The following HECW2 variants were observed in gnomAD, a reference collection of about 807,000 sequenced individuals.
The protein encoded by HECW2 is HECT, C2 and WW domain containing E3 ubiquitin protein ligase 2.
In HECW2, 61 loss-of-function variants were observed where a neutral mutation model predicts 175.2. The ratio of observed to expected loss-of-function variants is 0.35; its 90% CI spans 0.28 to 0.43. HECW2 has a LOEUF of 0.43. Among genes scored for constraint, HECW2 ranks in the 20% least tolerant of loss-of-function variants. The pLI, the probability that HECW2 is intolerant of heterozygous loss-of-function variation, is 1.00. For missense variants in HECW2, 1,524 were observed against 2,000.5 expected, an observed-to-expected ratio of 0.76 and a Z score of 4.54; for synonymous variants, 671 against 731.0, an observed-to-expected ratio of 0.92 and a Z score of 1.32.
At chr2:196,454,503 T>A (rs1261711572) in intron 1 of HECW2, among the ~76,000 whole-genome samples, 1 of 152,210 alleles carries the variant, frequency 6.6e-6, no homozygotes, top group African/African-American at 2.4e-5. Context: ...CACCCTCACA[T>A]TCATTATTGC....
At chr2:196,275,243 A>G (rs926910491) in intron 15 of HECW2, among the ~76,000 whole-genome samples, 1 of 152,170 alleles carries the variant, frequency 6.6e-6, no homozygotes. Flanking sequence ...CACAGAACAA[A>G]CAGAACAAGC....
At position 196,228,724 on chromosome 2, in the gene HECW2, A is replaced by G. The variant is rs1184717949; in HGVS notation, c.3765-470T>C. ...TATCTGAAATATTTTTAAATGGGAG[A>G]AGAAAGATACTTCCATGAATTCAAG... On this transcript the variant is annotated intron_variant, in intron 21 of 28. Transcript: ENST00000644978. 8.5e-5 allele frequency among the ~76,000 whole-genome samples: 13 copies of G among 152,364 alleles called. No individual in the cohort carries two copies. In the East Asian group the frequency reaches 2.3e-3, roughly 27 times the overall value.
chr2:196,235,392 G>A (rs1409362003), intron 21 of HECW2, among the ~76,000 whole-genome samples: 1 of 151,836 alleles, frequency 6.6e-6, no homozygotes, highest in Non-Finnish European at 1.5e-5. Flanking sequence ...GAGCCACCAC[G>A]CCTGGCCTTA....
chr2:196,482,584 A>C (rs1471824782), intron 1 of HECW2, among the ~76,000 whole-genome samples: 1 of 152,116 alleles, frequency 6.6e-6, no homozygotes, highest in Admixed American at 6.5e-5. Flanking sequence ...CTAGGGACAG[A>C]GGGTAATAGT....
chr2:196,478,031 A>G (rs1686715199), intron 1 of HECW2, among the ~76,000 whole-genome samples: 1 of 152,174 alleles, frequency 6.6e-6, no homozygotes, highest in East Asian at 1.9e-4. Flanking sequence ...CAGCCTGGGC[A>G]ACAGAGTGAG....
At chr2:196,312,341 T>C (rs1354327623) in intron 10 of HECW2, among the ~76,000 whole-genome samples, 1 of 152,216 alleles carries the variant, frequency 6.6e-6, no homozygotes, top group East Asian at 1.9e-4. Flanking sequence ...ATAAATCCAC[T>C]ATAAAAAACT....
chr2:196,543,748 C>A (rs1575656670), intron 1 of HECW2, among the ~76,000 whole-genome samples: 1 of 152,032 alleles, frequency 6.6e-6, no homozygotes, highest in Admixed American at 6.5e-5. Context: ...GAGTAGCTGG[C>A]ATTACAGGCA....
At chr2:196,418,066 C>T (rs1695302035) in intron 2 of HECW2, among the ~76,000 whole-genome samples, 1 of 151,884 alleles carries the variant, frequency 6.6e-6, no homozygotes, top group South Asian at 2.1e-4. Context: ...AATAGTATAG[C>T]TTAGTGCTAT....
At chr2:196,549,057 C>T (rs549215481) in intron 1 of HECW2, among the ~76,000 whole-genome samples, 61 of 152,252 alleles carry the variant, frequency 4.0e-4, no homozygotes, top group African/African-American at 1.4e-3. Flanking sequence ...ACAATCCAAC[C>T]CCACAAACTT....
At chr2:196,491,501 T>TATACAC (rs1171351964) in intron 1 of HECW2, among the ~76,000 whole-genome samples, 108 of 125,974 alleles carry the variant, frequency 8.6e-4, no homozygotes, top group African/African-American at 2.8e-3. Flanking sequence ...TATATATATA[T>TATACAC]ACACACACAC....
chr2:196,562,266 C>A (rs1311566247), intron 1 of HECW2, among the ~76,000 whole-genome samples: 3 of 152,086 alleles, frequency 2.0e-5, no homozygotes, highest in Admixed American at 6.5e-5. Flanking sequence ...AAGTTAGAAA[C>A]AATAGCACAA....
chr2:196,487,052 G>A (rs926205822), intron 1 of HECW2, among the ~76,000 whole-genome samples: 9 of 151,838 alleles, frequency 5.9e-5, no homozygotes, highest in African/African-American at 1.9e-4. Context: ...GGGAGGCTGC[G>A]GCAGGAGAAT....
chr2:196,480,047 TC>T (rs1686788603), intron 1 of HECW2, among the ~76,000 whole-genome samples: 2 of 151,996 alleles, frequency 1.3e-5, no homozygotes, highest in East Asian at 3.9e-4. Flanking sequence ...CCACTGCCAC[TC>T]CCCCCAAAAT....
At chr2:196,522,705 AGTTTTCC>A (rs1688452855) in intron 1 of HECW2, among the ~76,000 whole-genome samples, 1 of 150,086 alleles carries the variant, frequency 6.7e-6, no homozygotes, top group East Asian at 1.9e-4. Context: ...ATGGCTAGCC[AGTTTTCC>A]CAGCACCATT....
chr2:196,539,032 T>C (rs1023678069), intron 1 of HECW2, among the ~76,000 whole-genome samples: 8 of 152,236 alleles, frequency 5.3e-5, no homozygotes, highest in Non-Finnish European at 1.2e-4. Context: ...TCAACTTTTT[T>C]AGTCCTAAAA....
intron 1 of HECW2, among the ~76,000 whole-genome samples, chr2:196,434,219 T>C (rs1695804310): frequency 1.3e-5 from 2 of 152,210 alleles, no homozygotes; most frequent in African/African-American, 4.8e-5. Context: ...ACACGGTACA[T>C]GTCGATAAAT....
At position 196,452,701 on chromosome 2, in the gene HECW2, G is replaced by A. The variant is rs1334365537; in HGVS notation, c.-35-19243C>T. On this transcript the variant is annotated intron_variant, in intron 1 of 28. Transcript: ENST00000644978. ...ACCACTCCTCTCCTGCATGGAGGGT[G>A]GTGGAGGGATCATTTCTGGGCAAAA... Among the ~76,000 whole-genome samples the A allele has an allele frequency of 2.0e-5, 3 of 152,014 alleles. No homozygotes were observed. In the East Asian group the frequency reaches 5.8e-4, roughly 29 times the overall value.
chr2:196,280,847 T>C (rs1690157881), intron 14 of HECW2, among the ~76,000 whole-genome samples: 1 of 152,204 alleles, frequency 6.6e-6, no homozygotes, highest in African/African-American at 2.4e-5. Flanking sequence ...ATGTGGCTAA[T>C]ACCTATTTTT....
intron 1 of HECW2, among the ~76,000 whole-genome samples, chr2:196,497,008 G>A (rs1164688342): frequency 6.6e-6 from 1 of 152,198 alleles, no homozygotes; most frequent in African/African-American, 2.4e-5. Flanking sequence ...TCAGTTAAGT[G>A]GGGTAGACAG....
Sources: allele counts gnomAD v4.1 joint callset (sites outside exome capture counted in the v4.1 genomes callset), GRCh38; gene constraint gnomAD v4.1.1; transcripts MANE v1.5; gene names NCBI Gene and HGNC (gene_info 2026-07-23, HGNC 2026-07-21).